PLEKHH2: variants seen among roughly 807,000 people sequenced by gnomAD.
PLEKHH2 encodes the protein pleckstrin homology, MyTH4 and FERM domain containing H2.
Under a neutral mutation model 187.9 loss-of-function variants are expected in PLEKHH2, and 129 were observed. The ratio of observed to expected loss-of-function variants is 0.69; its 90% CI spans 0.59 to 0.79. The LOEUF (loss-of-function observed/expected upper bound fraction) is 0.79, where lower values mean the gene tolerates loss of function less well. PLEKHH2 is among the 30% of genes least tolerant of loss of function. The pLI, the probability that PLEKHH2 is intolerant of heterozygous loss-of-function variation, is 0.00. For missense variants in PLEKHH2, 2,076 were observed against 1,751.2 expected (o/e 1.19, Z -3.31); for synonymous variants, 686 against 605.6 (o/e 1.13, Z -1.95).
At chr2:43,673,158 A>G (rs1182131754) in intron 2 of PLEKHH2, among the ~76,000 whole-genome samples, 2 of 152,146 alleles carry the variant, frequency 1.3e-5, no homozygotes, top group African/African-American at 4.8e-5. Context: ...ATGGTTGTCA[A>G]CTCAGGGCCA....
intron 2 of PLEKHH2, among the ~76,000 whole-genome samples, chr2:43,660,264 G>T (rs1164799979): frequency 6.6e-6 from 1 of 152,106 alleles, no homozygotes; most frequent in Non-Finnish European, 1.5e-5. Flanking sequence ...GCACCATGAT[G>T]TGTTTATCCA....
intron 3 of PLEKHH2, among the ~76,000 whole-genome samples, chr2:43,679,846 A>T (rs866071106): frequency 6.6e-6 from 1 of 152,092 alleles, no homozygotes; most frequent in Non-Finnish European, 1.5e-5. Context: ...TAAAATTTTT[A>T]AATTTTGTAA....
chr2:43,764,835 TA>T (rs1672562323), intron 29 of PLEKHH2, among the ~76,000 whole-genome samples: 1 of 152,358 alleles, frequency 6.6e-6, no homozygotes, highest in East Asian at 1.9e-4. Context: ...TGTGTAGTTT[TA>T]ACATCTCTAA....
Position 43,754,203 on chromosome 2 carries a change from CACA to C in PLEKHH2, c.3795+445_3795+447del, listed in dbSNP as rs1211648369. Among the ~76,000 whole-genome samples, 88 of 142,736 alleles carry C rather than the reference CACA, an allele frequency of 6.2e-4. 3 individuals are homozygous for C. The highest frequency in any genetic ancestry group is 2.3e-3 in the African/African-American group (82 of 35,182). 93.6% of individuals were successfully genotyped at this position (142,736 alleles called of 152,430 possible). A position where few individuals can be genotyped will look rare whatever the true frequency, so the allele number is the denominator to read the frequency against. On this transcript the variant is annotated intron_variant, in intron 25 of 29. Coordinates refer to ENST00000282406, the MANE Select transcript of PLEKHH2 (RefSeq NM_172069.4). The stretch of plus-strand genomic sequence containing the variant: ...ACACACACACACACACACACACACA[CACA>C]AAATTAATACTGACTTAATCAGAAT...
At chr2:43,739,219 C>T (rs1013512725) in intron 20 of PLEKHH2, among the ~76,000 whole-genome samples, 5 of 151,988 alleles carry the variant, frequency 3.3e-5, no homozygotes, top group Non-Finnish European at 5.9e-5. Flanking sequence ...ACAGGTCCAG[C>T]GAATTCCTTT....
chr2:43,721,075 A>G (rs999967091), intron 16 of PLEKHH2, among the ~76,000 whole-genome samples: 5 of 152,180 alleles, frequency 3.3e-5, no homozygotes, highest in African/African-American at 1.2e-4. Flanking sequence ...TGATAGAAGG[A>G]AGCAGCAAGT....
At chr2:43,656,326 T>C (rs1242398954) in intron 2 of PLEKHH2, among the ~76,000 whole-genome samples, 1 of 152,236 alleles carries the variant, frequency 6.6e-6, no homozygotes, top group Non-Finnish European at 1.5e-5. Context: ...ACATTTATTT[T>C]TGGTATATGT....
At chr2:43,651,186 A>G (rs1666452509) in intron 2 of PLEKHH2, among the ~76,000 whole-genome samples, 1 of 151,918 alleles carries the variant, frequency 6.6e-6, no homozygotes, top group Non-Finnish European at 1.5e-5. Flanking sequence ...CATTTTGTTC[A>G]GCAAACATTG....
chr2:43,680,882 A>G, intron 3 of PLEKHH2: 1 of 566,292 alleles, frequency 1.8e-6, no homozygotes. Flanking sequence ...CTTCCATTTG[A>G]CAAGTAGAAT....
At chr2:43,708,819 C>T (rs1160492336) in intron 11 of PLEKHH2, among the ~76,000 whole-genome samples, 1 of 152,064 alleles carries the variant, frequency 6.6e-6, no homozygotes, top group Non-Finnish European at 1.5e-5. Flanking sequence ...CTCCTTGGGC[C>T]TTAGCCATGA....
At position 43,765,605 on chromosome 2, in the gene PLEKHH2, G is replaced by C. The variant is rs1399168075; in HGVS notation, c.*7G>C. On this transcript the variant is annotated 3_prime_UTR_variant, in exon 30 of 30. Coordinates refer to ENST00000282406, the MANE Select transcript of PLEKHH2 (RefSeq NM_172069.4). ...AGGCCCCACCTTACTCTGAAAGCTG[G>C]GGAGCCTGAACATTCACTCCTTGTC... The C allele has an allele frequency of 1.9e-6, 3 of 1,611,640 alleles. No individual in the cohort carries two copies. Among genetic ancestry groups the C allele is most frequent in the East Asian group, 2.2e-5 (1 of 44,846 alleles).
intron 21 of PLEKHH2, among the ~76,000 whole-genome samples, chr2:43,742,110 C>T (rs1671591546): frequency 6.6e-6 from 1 of 151,954 alleles, no homozygotes; most frequent in African/African-American, 2.4e-5. Flanking sequence ...AAGTGATTCT[C>T]CTGCCTCAAC....
chr2:43,676,451 G>C (rs763673675), intron 2 of PLEKHH2: 14 of 687,540 alleles, frequency 2.0e-5, no homozygotes, highest in Non-Finnish European at 2.8e-5. Flanking sequence ...GTCGCTTCTC[G>C]GTGGCGTAGA....
At chr2:43,729,835 C>A (rs1478597390) in intron 18 of PLEKHH2, 90 bp downstream of exon 18, 2 of 765,340 alleles carry the variant, frequency 2.6e-6, no homozygotes, top group South Asian at 2.8e-5. Flanking sequence ...TTAATGGGTT[C>A]CTGTTTCCCT....
intron 7 of PLEKHH2, among the ~76,000 whole-genome samples, chr2:43,698,839 A>T (rs1015608184): frequency 1.3e-5 from 2 of 152,338 alleles, no homozygotes; most frequent in African/African-American, 2.4e-5. Context: ...GTTATACATA[A>T]AAATAAACCA....
chr2:43,728,791 A>G (rs947391685), intron 17 of PLEKHH2, among the ~76,000 whole-genome samples: 1 of 152,006 alleles, frequency 6.6e-6, no homozygotes, highest in Non-Finnish European at 1.5e-5. Flanking sequence ...CAAACCCCTG[A>G]CCTCAGATGA....
At chr2:43,742,490 C>G (rs953811704) in intron 21 of PLEKHH2, among the ~76,000 whole-genome samples, 2 of 152,012 alleles carry the variant, frequency 1.3e-5, no homozygotes, top group African/African-American at 4.8e-5. Flanking sequence ...TTAAATTCAG[C>G]TTGTGACTAT....
rs138786501 is a variant in PLEKHH2 at position 43,757,202 on chromosome 2, G to A, written c.3879G>A (p.Lys1293=). 57 of 1,603,266 alleles carry A rather than the reference G, an allele frequency of 3.6e-5. No individual in the cohort carries two copies. In the African/African-American group the frequency reaches 4.8e-4, roughly 14 times the overall value. Residue 1293 remains lysine, a synonymous_variant, in exon 26 of 30, where the codon AAG becomes AAA. Coordinates refer to ENST00000282406, the MANE Select transcript of PLEKHH2 (RefSeq NM_172069.4). Reference sequence around the variant, plus strand: ...AGTGCAAAGTGAATCAAACTCTAAAGCAAGTCATAGAGAAATTTTATCCTA... The same window carrying A: ...AGTGCAAAGTGAATCAAACTCTAAAACAAGTCATAGAGAAATTTTATCCTA... ...TNQCKVNQTL[K]QVIEKFYPKR...
chr2:43,681,678 G>T, intron 3 of PLEKHH2: 2 of 574,154 alleles, frequency 3.5e-6, no homozygotes, highest in East Asian at 3.0e-5. Context: ...TCAACCAAAC[G>T]CTCTTACTCC....
Sources: allele counts gnomAD v4.1 joint callset (sites outside exome capture counted in the v4.1 genomes callset), GRCh38; gene constraint gnomAD v4.1.1; transcripts MANE v1.5; gene names NCBI Gene and HGNC (gene_info 2026-07-23, HGNC 2026-07-21).